The following MYO3B variants were observed in gnomAD, a reference collection of about 807,000 sequenced individuals.
MYO3B encodes myosin IIIB.
MYO3B carries 156 observed loss-of-function variants against 174.6 expected under a neutral mutation model. The observed-to-expected ratio is 0.89, with a 90% CI of 0.78 to 1.02. The LOEUF (loss-of-function observed/expected upper bound fraction) is 1.02. Ranked by LOEUF, MYO3B falls within the 50% of genes least tolerant of loss-of-function variation. MYO3B has a pLI of 0.00. For synonymous variants in MYO3B, 563 were observed against 569.1 expected, an observed-to-expected ratio of 0.99 and a Z score of 0.15; for missense variants, 1,632 against 1,639.4, an observed-to-expected ratio of 1.00 and a Z score of 0.08.
At chr2:170,597,610 T>C (rs1694238508) in intron 32 of MYO3B, among the ~76,000 whole-genome samples, 2 of 152,044 alleles carry the variant, frequency 1.3e-5, no homozygotes, top group Non-Finnish European at 1.5e-5. Flanking sequence ...CATAAGATGG[T>C]CTCAGTTGTT....
intron 7 of MYO3B, among the ~76,000 whole-genome samples, chr2:170,318,501 G>A (rs1379262454): frequency 6.6e-6 from 1 of 152,176 alleles, no homozygotes; most frequent in African/African-American, 2.4e-5. Context: ...GGAGGGCTAG[G>A]ACTGGGAAGA....
intron 15 of MYO3B, among the ~76,000 whole-genome samples, chr2:170,392,122 CAAAAA>C (rs35100967): frequency 4.3e-4 from 46 of 106,556 alleles, no homozygotes; most frequent in African/African-American, 7.1e-4. Context: ...GACCCTGTCT[CAAAAA>C]AAAAAAAAAA....
intron 7 of MYO3B, among the ~76,000 whole-genome samples, chr2:170,305,323 G>A (rs2093693900): frequency 6.6e-6 from 1 of 152,046 alleles, no homozygotes; most frequent in South Asian, 2.1e-4. Context: ...GATTAAAATA[G>A]TACTATACTG....
At chr2:170,649,362 TTA>T in intron 32 of MYO3B, among the ~76,000 whole-genome samples, 1 of 48,902 alleles carries the variant, frequency 2.0e-5, no homozygotes, top group East Asian at 6.5e-4. Context: ...ATATAATATA[TTA>T]TATAAAAATA....
At chr2:170,190,624 C>T (rs764951431) in intron 1 of MYO3B, among the ~76,000 whole-genome samples, 4 of 152,072 alleles carry the variant, frequency 2.6e-5, no homozygotes, top group Non-Finnish European at 5.9e-5. Flanking sequence ...TCCCTGTGGC[C>T]ACCACCCAGG....
chr2:170,517,818 G>C (rs77103479), intron 29 of MYO3B, among the ~76,000 whole-genome samples: 19,878 of 151,856 alleles, frequency 0.13, 1,372 homozygotes, highest in African/African-American at 0.16. Flanking sequence ...ATCTCCAAGA[G>C]GGGGGAAAAC....
At chr2:170,296,572 A>C (rs3845737) in intron 7 of MYO3B, among the ~76,000 whole-genome samples, 28,417 of 152,108 alleles carry the variant, frequency 0.19, 3,701 homozygotes, top group African/African-American at 0.34. Context: ...GAATCTTGCA[A>C]TGGGGAGGTA....
intron 32 of MYO3B, among the ~76,000 whole-genome samples, chr2:170,629,154 A>G (rs929750242): frequency 6.6e-6 from 1 of 152,260 alleles, no homozygotes; most frequent in African/African-American, 2.4e-5. Context: ...CAGGCTGGCC[A>G]GTATGGGCAT....
intron 23 of MYO3B, among the ~76,000 whole-genome samples, chr2:170,444,859 C>A (rs867696145): frequency 1.3e-5 from 2 of 152,300 alleles, no homozygotes; most frequent in Middle Eastern, 6.8e-3. Context: ...CACGGCAAAA[C>A]ATTAGTACTA....
intron 8 of MYO3B, among the ~76,000 whole-genome samples, chr2:170,354,121 T>C (rs943486892): frequency 6.6e-6 from 1 of 152,252 alleles, no homozygotes; most frequent in African/African-American, 2.4e-5. Flanking sequence ...CTTCCAGTAA[T>C]AGGATCCCGC....
chr2:170,206,222 T>G lies in MYO3B; in HGVS notation c.321+5938T>G, dbSNP rs1304426293. Among the ~76,000 whole-genome samples the G allele has an allele frequency of 1.3e-5, 2 of 152,182 alleles. No individual in the cohort carries two copies. The highest frequency in any genetic ancestry group is 4.8e-5 in the African/African-American group (2 of 41,448). Reference sequence around the variant, plus strand: ...AATCTTCTTTCCCTTCATGTCCACCTGCCCCAAACCCATTTGTCCTTCAAA... The same window carrying G: ...AATCTTCTTTCCCTTCATGTCCACCGGCCCCAAACCCATTTGTCCTTCAAA... On this transcript the variant is annotated intron_variant, in intron 3 of 34. Transcript: ENST00000408978. The surrounding 1 kb of genome is among the most constrained non-coding windows in gnomAD (Gnocchi z 4.3).
At chr2:170,230,362 TAG>T (rs1559318947) in intron 6 of MYO3B, among the ~76,000 whole-genome samples, 1,657 of 142,702 alleles carry the variant, frequency 0.012, 133 homozygotes, top group African/African-American at 0.042. Flanking sequence ...TTTTTTTTTT[TAG>T]TAGAGACGGG....
intron 30 of MYO3B, among the ~76,000 whole-genome samples, chr2:170,540,697 C>A (rs939113903): frequency 6.6e-6 from 1 of 151,696 alleles, no homozygotes; most frequent in African/African-American, 2.4e-5. Flanking sequence ...ACAACAACAA[C>A]AACAACTCTA....
chr2:170,252,520 A>G (rs1273682158), intron 7 of MYO3B, among the ~76,000 whole-genome samples: 1 of 152,210 alleles, frequency 6.6e-6, no homozygotes, highest in Non-Finnish European at 1.5e-5. Flanking sequence ...TTATTCAATC[A>G]CTTATTAAAT....
intron 7 of MYO3B, among the ~76,000 whole-genome samples, chr2:170,249,706 T>C (rs1349503237): frequency 6.6e-6 from 1 of 152,220 alleles, no homozygotes; most frequent in African/African-American, 2.4e-5. Context: ...AGATGAATCA[T>C]GAGGCAGCTC....
intron 7 of MYO3B, among the ~76,000 whole-genome samples, chr2:170,293,682 G>C (rs2093610432): frequency 1.3e-5 from 2 of 152,138 alleles, no homozygotes; most frequent in African/African-American, 4.8e-5. Flanking sequence ...CAAGTGGCTG[G>C]AGGATAGAGA....
chr2:170,611,115 TCAGGA>T (rs753524533), intron 32 of MYO3B, among the ~76,000 whole-genome samples: 113 of 152,218 alleles, frequency 7.4e-4, no homozygotes, highest in Admixed American at 1.4e-3. Flanking sequence ...GGCAAATTCA[TCAGGA>T]CTACAAACAA....
At chr2:170,628,341 T>C (rs1486359297) in intron 32 of MYO3B, among the ~76,000 whole-genome samples, 1 of 152,248 alleles carries the variant, frequency 6.6e-6, no homozygotes, top group Non-Finnish European at 1.5e-5. Flanking sequence ...TGGGACCCTC[T>C]GAGCCAGGCG....
chr2:170,329,633 A>G (rs1299104402), intron 7 of MYO3B, among the ~76,000 whole-genome samples: 1 of 150,574 alleles, frequency 6.6e-6, no homozygotes, highest in Non-Finnish European at 1.5e-5. Context: ...ACCTCAAGTG[A>G]TCTGCCTGCC....
Sources: allele counts gnomAD v4.1 joint callset (sites outside exome capture counted in the v4.1 genomes callset), GRCh38; gene constraint gnomAD v4.1.1; non-coding constraint Gnocchi (gnomAD v3.1); transcripts MANE v1.5; gene names NCBI Gene and HGNC (gene_info 2026-07-23, HGNC 2026-07-21).